Variants in SCTR observed in about 807,000 individuals in gnomAD.
The protein encoded by SCTR is secretin receptor, also known as pancreatic secretin receptor.
A neutral mutation model predicts 60.8 loss-of-function variants in SCTR; 56 were observed. The ratio of observed to expected loss-of-function variants is 0.92; its 90% confidence interval spans 0.74 to 1.15. SCTR has a LOEUF of 1.15. SCTR is among the 50% of genes most tolerant of loss of function. The pLI, the probability that SCTR is intolerant of heterozygous loss-of-function variation, is 0.00. For missense variants in SCTR, 562 were observed against 550.4 expected (o/e 1.02, Z -0.21); for synonymous variants, 202 against 217.0 (o/e 0.93, Z 0.61).
chr2:119,480,453 C>T (rs1677549391), intron 2 of SCTR, among the ~76,000 whole-genome samples: 1 of 152,162 alleles, frequency 6.6e-6, no homozygotes, highest in South Asian at 2.1e-4. Context: ...ATTCTATTAC[C>T]TTCCACCAGG....
rs776188554 is a variant in SCTR at position 119,474,552 on chromosome 2, C to T, written c.302-996G>A. On this transcript the variant is annotated intron_variant, in intron 3 of 12. Transcript: ENST00000019103. ...TTGCAGGGGGCAGGATGCTGATGGC[C>T]GAGTCCTGTGGGTAGGAGCCCTGCC... Among the ~76,000 whole-genome samples the T allele has an allele frequency of 3.9e-5, 6 of 152,140 alleles. No individual in the cohort carries two copies. In the South Asian group the frequency reaches 1.0e-3, roughly 26 times the overall value.
intron 3 of SCTR, among the ~76,000 whole-genome samples, chr2:119,477,552 G>A (rs1330302803): frequency 6.6e-6 from 1 of 152,158 alleles, no homozygotes; most frequent in Non-Finnish European, 1.5e-5. Context: ...CCAGGTTCAA[G>A]TGATTCTCGT....
At chr2:119,455,620 A>G (rs1321248096) in intron 7 of SCTR, among the ~76,000 whole-genome samples, 1 of 152,206 alleles carries the variant, frequency 6.6e-6, no homozygotes, top group Admixed American at 6.5e-5. Flanking sequence ...GATAACCACA[A>G]TTAAACACGC....
intron 1 of SCTR, among the ~76,000 whole-genome samples, chr2:119,500,958 T>C (rs1388205110): frequency 6.6e-6 from 1 of 152,186 alleles, no homozygotes; most frequent in East Asian, 1.9e-4. Flanking sequence ...TCTTTACAAA[T>C]TATATGAATG....
At chr2:119,476,685 A>C (rs1254115550) in intron 3 of SCTR, 1 of 152,324 alleles carries the variant, frequency 6.6e-6, no homozygotes, top group East Asian at 1.9e-4. Flanking sequence ...GGCAGAAGGG[A>C]CAGTGCTGCG....
At chr2:119,504,296 T>C (rs1678656812) in intron 1 of SCTR, among the ~76,000 whole-genome samples, 1 of 152,202 alleles carries the variant, frequency 6.6e-6, no homozygotes, top group Non-Finnish European at 1.5e-5. Flanking sequence ...GAAACTTTTA[T>C]TTAAAAGCAT....
chr2:119,523,429 TA>T (rs1679351671), intron 1 of SCTR, among the ~76,000 whole-genome samples: 1 of 147,276 alleles, frequency 6.8e-6, no homozygotes, highest in Admixed American at 6.8e-5. Context: ...TTATTATTAT[TA>T]TTATTATTAT....
At chr2:119,448,631 T>C (rs1683022959) in intron 10 of SCTR, 58 bp downstream of exon 10, 2 of 931,394 alleles carry the variant, frequency 2.1e-6, no homozygotes, top group African/African-American at 3.2e-5. Flanking sequence ...AAGTAAACAG[T>C]AGGTGCTCAG....
intron 3 of SCTR, among the ~76,000 whole-genome samples, chr2:119,478,460 G>C (rs1252672406): frequency 6.6e-6 from 1 of 152,160 alleles, no homozygotes; most frequent in Non-Finnish European, 1.5e-5. Flanking sequence ...ACCAGGAGGG[G>C]TTCCAGACAT....
Position 119,506,238 on chromosome 2 carries a change from C to T in SCTR, c.73-11690G>A, listed in dbSNP as rs113418781. Among the ~76,000 whole-genome samples the T allele has an allele frequency of 2.6e-4, 39 of 152,230 alleles. 1 individual carries two copies. The highest frequency in any genetic ancestry group is 3.9e-4 in the Admixed American group (6 of 15,292). ...ATAGCAGCTTTATTCATAAAAGCCC[C>T]CAAACTTAAACAATCCAGATGTTTT... On this transcript the variant is annotated intron_variant, in intron 1 of 12. Coordinates refer to ENST00000019103, the MANE Select transcript of SCTR (RefSeq NM_002980.3).
intron 1 of SCTR, among the ~76,000 whole-genome samples, chr2:119,502,279 G>T (rs1224613485): frequency 6.6e-6 from 1 of 151,738 alleles, no homozygotes. Flanking sequence ...GTATCACTCA[G>T]AATCAATTAA....
At chr2:119,477,781 T>A (rs935081541) in intron 3 of SCTR, among the ~76,000 whole-genome samples, 1 of 152,176 alleles carries the variant, frequency 6.6e-6, no homozygotes, top group Admixed American at 6.5e-5. Context: ...CAAATTTGCA[T>A]GAAGGCTTTG....
chr2:119,512,686 C>G (rs1032943992), intron 1 of SCTR, among the ~76,000 whole-genome samples: 1 of 152,162 alleles, frequency 6.6e-6, no homozygotes. Context: ...CGTGAGCCAC[C>G]GTGCCCAGCC....
chr2:119,497,333 C>T (rs559471235), intron 1 of SCTR, among the ~76,000 whole-genome samples: 1 of 151,372 alleles, frequency 6.6e-6, no homozygotes, highest in South Asian at 2.1e-4. Context: ...CACCCATTCC[C>T]CCCACTTCCC....
intron 2 of SCTR, among the ~76,000 whole-genome samples, chr2:119,480,538 T>C (rs1232077792): frequency 6.6e-6 from 1 of 152,176 alleles, no homozygotes; most frequent in Non-Finnish European, 1.5e-5. Flanking sequence ...AGCCAAACCA[T>C]ATCAGTTACT....
Position 119,440,102 on chromosome 2 carries a change from C to A in SCTR, c.*15G>T. Reference sequence around the variant, plus strand: ...TCTCTTGGTCTCTGTCCGTGGGTGACCCTGCTCCAGCCTCTCAGATGATGC... The same window carrying A: ...TCTCTTGGTCTCTGTCCGTGGGTGAACCTGCTCCAGCCTCTCAGATGATGC... On this transcript the variant is annotated 3_prime_UTR_variant, in exon 13 of 13. Coordinates refer to ENST00000019103, the MANE Select transcript of SCTR (RefSeq NM_002980.3). 5 of 1,611,748 alleles carry A rather than the reference C, an allele frequency of 3.1e-6. No individual in the cohort carries two copies. The highest frequency in any genetic ancestry group is 3.4e-6 in the Non-Finnish European group (4 of 1,178,874).
intron 10 of SCTR, 98 bp downstream of exon 10, chr2:119,448,591 T>C: frequency 1.4e-6 from 1 of 737,816 alleles, no homozygotes; most frequent in South Asian, 1.6e-5. Flanking sequence ...TCTACAACGT[T>C]TCCTCCGTCT....
intron 8 of SCTR, among the ~76,000 whole-genome samples, chr2:119,452,336 T>C (rs17015964): frequency 0.021 from 3,128 of 152,252 alleles, 98 homozygotes; most frequent in African/African-American, 0.072. Flanking sequence ...AAAGTTAGCT[T>C]ACTGTCAGAA....
At chr2:119,487,579 C>T (rs1677926072) in intron 2 of SCTR, among the ~76,000 whole-genome samples, 1 of 152,190 alleles carries the variant, frequency 6.6e-6, no homozygotes, top group Non-Finnish European at 1.5e-5. Context: ...CTGGAACATT[C>T]TTCCCCTGGG....
Sources: gnomAD v4.1 joint callset for allele counts (sites outside exome capture counted in the v4.1 genomes callset) on GRCh38, gnomAD v4.1.1 for gene constraint, MANE v1.5 for transcripts, NCBI Gene and HGNC (gene_info 2026-07-23, HGNC 2026-07-21) for gene names.